Variants in ARHGAP32 observed in about 807,000 individuals in gnomAD.
ARHGAP32 encodes rho GTPase-activating protein 32.
A neutral mutation model predicts 186.5 loss-of-function variants in ARHGAP32; 51 were observed. The ratio of observed to expected loss-of-function variants is 0.27; its 90% confidence interval spans 0.22 to 0.35. ARHGAP32 has a LOEUF of 0.35. Among genes scored for constraint, ARHGAP32 ranks in the 10% least tolerant of loss-of-function variants. ARHGAP32 has a pLI of 1.00. For missense variants in ARHGAP32, 2,186 were observed against 2,623.5 expected (o/e 0.83, Z 3.64); for synonymous variants, 950 against 964.3 (o/e 0.99, Z 0.27).
chr11:128,999,333 G>A (rs1946289356), intron 11 of ARHGAP32, among the ~76,000 whole-genome samples: 1 of 152,158 alleles, frequency 6.6e-6, no homozygotes, highest in Non-Finnish European at 1.5e-5. Flanking sequence ...GTAAATTTTA[G>A]TCAGACCGGT....
intron 10 of ARHGAP32, among the ~76,000 whole-genome samples, chr11:129,055,857 A>G (rs673074): frequency 0.64 from 97,041 of 152,134 alleles, 31,472 homozygotes; most frequent in Middle Eastern, 0.71. Context: ...ATGCTATTAC[A>G]CATTTGTCAA....
intron 1 of ARHGAP32, among the ~76,000 whole-genome samples, chr11:129,226,167 G>C (rs990361791): frequency 5.3e-5 from 8 of 152,156 alleles, no homozygotes; most frequent in African/African-American, 1.9e-4. Context: ...ACACCATCAA[G>C]CACACTTGCA....
intron 2 of ARHGAP32, among the ~76,000 whole-genome samples, chr11:129,139,661 T>A (rs1188705594): frequency 6.6e-6 from 1 of 152,094 alleles, no homozygotes; most frequent in East Asian, 1.9e-4. Flanking sequence ...CCGCACAAGC[T>A]CTCTCTCTTT....
At chr11:129,209,185 A>AT (rs1944550111) in intron 1 of ARHGAP32, among the ~76,000 whole-genome samples, 1 of 152,182 alleles carries the variant, frequency 6.6e-6, no homozygotes, top group African/African-American at 2.4e-5. Flanking sequence ...TTAGAGATTT[A>AT]TTTTGATAAA....
intron 11 of ARHGAP32, among the ~76,000 whole-genome samples, chr11:128,999,963 T>G (rs1946311521): frequency 6.6e-6 from 1 of 152,244 alleles, no homozygotes; most frequent in African/African-American, 2.4e-5. Context: ...TTGCATTTCT[T>G]GTCAATTTTT....
At chr11:129,253,684 C>CAATA (rs1945216697) in intron 1 of ARHGAP32, among the ~76,000 whole-genome samples, 1 of 152,052 alleles carries the variant, frequency 6.6e-6, no homozygotes, top group Non-Finnish European at 1.5e-5. Context: ...AGTACAAGTA[C>CAATA]AATATGTTTA....
intron 1 of ARHGAP32, among the ~76,000 whole-genome samples, chr11:129,247,560 T>G (rs1945117635): frequency 6.6e-6 from 1 of 152,226 alleles, no homozygotes; most frequent in Non-Finnish European, 1.5e-5. Flanking sequence ...ATATGTTTAT[T>G]TCATCTTCCA....
At chr11:129,173,485 C>T (rs942502521) in intron 1 of ARHGAP32, among the ~76,000 whole-genome samples, 5 of 152,182 alleles carry the variant, frequency 3.3e-5, no homozygotes, top group African/African-American at 1.2e-4. Context: ...CAGCATCATC[C>T]TGATACCAAA....
intron 2 of ARHGAP32, among the ~76,000 whole-genome samples, chr11:129,132,689 A>T (rs1942838832): frequency 2.0e-5 from 3 of 152,352 alleles, no homozygotes; most frequent in Admixed American, 1.3e-4. Flanking sequence ...ACATAATTAA[A>T]AATTACTAGC....
At chr11:129,210,779 A>G (rs1198838134) in intron 1 of ARHGAP32, among the ~76,000 whole-genome samples, 1 of 152,202 alleles carries the variant, frequency 6.6e-6, no homozygotes, top group Non-Finnish European at 1.5e-5. Flanking sequence ...TCCTTTGCAT[A>G]AAGTGAATTA....
intron 5 of ARHGAP32, among the ~76,000 whole-genome samples, chr11:129,112,072 G>A (rs376707134): frequency 6.6e-6 from 1 of 152,138 alleles, no homozygotes; most frequent in South Asian, 2.1e-4. Context: ...GTGAAACCCC[G>A]TCTCTACTAA....
intron 10 of ARHGAP32, among the ~76,000 whole-genome samples, chr11:129,041,413 T>C (rs1939587092): frequency 6.6e-6 from 1 of 151,908 alleles, no homozygotes; most frequent in Non-Finnish European, 1.5e-5. Flanking sequence ...TATTGACTTC[T>C]CTATGGGTTT....
chr11:129,165,752 A>G (rs1217375304), intron 1 of ARHGAP32, among the ~76,000 whole-genome samples: 1 of 151,338 alleles, frequency 6.6e-6, no homozygotes, highest in Non-Finnish European at 1.5e-5. Flanking sequence ...TAGCCTAGTA[A>G]TAATAAAAAA....
chr11:129,004,481 A>G (rs1304242423), intron 11 of ARHGAP32, among the ~76,000 whole-genome samples: 1 of 152,072 alleles, frequency 6.6e-6, no homozygotes, highest in Non-Finnish European at 1.5e-5. Context: ...GTCTCCAGCT[A>G]TTATTGTATT....
At chr11:128,982,112 A>C (rs556814143) in intron 15 of ARHGAP32, among the ~76,000 whole-genome samples, 176 bp from the exon 16 acceptor site, 2 of 152,330 alleles carry the variant, frequency 1.3e-5, no homozygotes, top group East Asian at 3.9e-4. Context: ...TTAGAAGTGA[A>C]TCTTCCACCA....
At chr11:129,012,827 CATTTCCTTCACATCGATTAGCA>C (rs1938147733) in intron 11 of ARHGAP32, among the ~76,000 whole-genome samples, 1 of 152,236 alleles carries the variant, frequency 6.6e-6, no homozygotes, top group African/African-American at 2.4e-5. Context: ...AGAACACATT[CATTTCCTTCACATCGATTAGCA>C]ATTTTATAAC....
At chr11:129,148,458 T>G (rs970909828) in intron 2 of ARHGAP32, among the ~76,000 whole-genome samples, 2 of 152,146 alleles carry the variant, frequency 1.3e-5, no homozygotes, top group Non-Finnish European at 2.9e-5. Context: ...GACTTGCATG[T>G]ACTCCCAGTC....
chr11:129,164,933 A>C (rs1176813572), intron 1 of ARHGAP32, among the ~76,000 whole-genome samples: 1 of 152,232 alleles, frequency 6.6e-6, no homozygotes, highest in Non-Finnish European at 1.5e-5. Flanking sequence ...AACAGAAAGC[A>C]ACCAATACAG....
intron 17 of ARHGAP32, 83 bp downstream of exon 17, chr11:128,981,333 G>C: frequency 1.4e-6 from 2 of 1,423,678 alleles, no homozygotes; most frequent in Non-Finnish European, 1.9e-6. Flanking sequence ...CGTTTTTGTT[G>C]TTGCAATAAG....
Sources: gnomAD v4.1 joint callset for allele counts (sites outside exome capture counted in the v4.1 genomes callset) on GRCh38, gnomAD v4.1.1 for gene constraint, MANE v1.5 for transcripts, NCBI Gene and HGNC (gene_info 2026-07-23, HGNC 2026-07-21) for gene names.